Variants in SLC25A40 observed in about 807,000 individuals in gnomAD.
SLC25A40 encodes mitochondrial glutathione transporter SLC25A40.
Under a neutral mutation model 46.5 loss-of-function variants are expected in SLC25A40, and 41 were observed. The observed-to-expected ratio is 0.88, with a 90% CI of 0.69 to 1.14. The LOEUF is 1.14. SLC25A40 is among the 50% of genes most tolerant of loss of function. SLC25A40 has a pLI of 0.00. For synonymous variants in SLC25A40, 126 were observed against 127.5 expected, an observed-to-expected ratio of 0.99 and a Z score of 0.08; for missense variants, 386 against 393.6, an observed-to-expected ratio of 0.98 and a Z score of 0.16.
In SLC25A40 at chr7:87,865,591, C is replaced by T. The variant is rs377721056; in HGVS notation, c.-93-4951G>A. 2.6e-4 allele frequency among the ~76,000 whole-genome samples: 39 copies of T among 152,074 alleles called. No individual in the cohort carries two copies. In the East Asian group the frequency reaches 2.9e-3, roughly 11 times the overall value. ...TTTGAGACCTGCCTGGCCAAGAGGG[C>T]GAAACCCCAACTCCGTTAATAAAAA... is the stretch of plus-strand genomic sequence containing the variant. On this transcript the variant is annotated intron_variant, in intron 1 of 11. Transcript: ENST00000341119.
chr7:87,855,758 C>A (rs1838603955), intron 4 of SLC25A40, among the ~76,000 whole-genome samples: 1 of 152,092 alleles, frequency 6.6e-6, no homozygotes, highest in Non-Finnish European at 1.5e-5. Context: ...GTGTTTTCTG[C>A]CACTTAAAAT....
chr7:87,855,638 A>G (rs1418724633), intron 4 of SLC25A40, among the ~76,000 whole-genome samples: 1 of 152,116 alleles, frequency 6.6e-6, no homozygotes, highest in Non-Finnish European at 1.5e-5. Context: ...TCCTACAATC[A>G]ATCTATCCTT....
intron 1 of SLC25A40, among the ~76,000 whole-genome samples, chr7:87,863,830 T>A (rs915931735): frequency 1.3e-5 from 2 of 152,180 alleles, no homozygotes; most frequent in Non-Finnish European, 2.9e-5. Context: ...GTTGTACTCA[T>A]TCATCAACCT....
rs988862431 is a variant in SLC25A40 at position 87,874,540 on chromosome 7, G to A, written c.-94+1556C>T. Among the ~76,000 whole-genome samples, 3 of 152,138 alleles carry A rather than the reference G, an allele frequency of 2.0e-5. No individual in the cohort carries two copies. The South Asian group carries it at 6.2e-4, about 32-fold the overall frequency. ...TCAAATTACCCTTAAGGAAACCAAGGATACCTGAAACGCCAAAATCAAATA... is the reference window on the plus strand; with the variant it reads ...TCAAATTACCCTTAAGGAAACCAAGAATACCTGAAACGCCAAAATCAAATA... On this transcript the variant is annotated intron_variant, in intron 1 of 11. Transcript: ENST00000341119.
At chr7:87,844,025 G>T in intron 8 of SLC25A40, 162 bp from the exon 9 acceptor site, 1 of 979,250 alleles carries the variant, frequency 1.0e-6, no homozygotes, top group Non-Finnish European at 1.2e-6. Flanking sequence ...TTTTTTTAAT[G>T]CAAAATTCTC....
chr7:87,870,230 T>C (rs890611849), intron 1 of SLC25A40, among the ~76,000 whole-genome samples: 1 of 151,720 alleles, frequency 6.6e-6, no homozygotes, highest in Non-Finnish European at 1.5e-5. Flanking sequence ...ATAGCTTATT[T>C]TGTGGGCTGT....
rs1454702366 is a variant in SLC25A40 at position 87,833,988 on chromosome 7, T to C, written c.*2261A>G. 6.6e-6 allele frequency: 1 copy of C among 151,938 alleles called. No individual in the cohort carries two copies. The highest frequency in any genetic ancestry group is 1.5e-5 in the Non-Finnish European group (1 of 67,900). 9.4% of individuals were successfully genotyped at this position (151,938 alleles called of 1,614,324 possible). A position where few individuals can be genotyped will look rare whatever the true frequency, so the allele number is the denominator to read the frequency against. ...TACTTTAAAGGTTGCAACCATCTCA[T>C]ATTGAAAATTAAAGATGTTCCTTCC... On this transcript the variant is annotated 3_prime_UTR_variant, in exon 12 of 12. Transcript: ENST00000341119.
intron 4 of SLC25A40, among the ~76,000 whole-genome samples, chr7:87,854,626 C>T (rs1234363196): frequency 6.7e-6 from 1 of 150,214 alleles, no homozygotes; most frequent in African/African-American, 2.5e-5. Flanking sequence ...TCCTGGCTAA[C>T]ACAGTGAAAC....
intron 1 of SLC25A40, among the ~76,000 whole-genome samples, chr7:87,873,297 T>A (rs543625007): frequency 5.3e-5 from 8 of 152,172 alleles, no homozygotes; most frequent in African/African-American, 1.7e-4. Flanking sequence ...GAACAAAAAA[T>A]TTATATTTGG....
intron 6 of SLC25A40, among the ~76,000 whole-genome samples, chr7:87,849,290 G>A (rs1041428172): frequency 1.3e-5 from 2 of 152,046 alleles, no homozygotes; most frequent in Admixed American, 6.5e-5. Context: ...TGGACAACTC[G>A]TGAGAATATA....
chr7:87,836,849 A>T (rs749770158), intron 10 of SLC25A40, 39 bp from the exon 11 acceptor site: 1 of 1,216,690 alleles, frequency 8.2e-7, no homozygotes, highest in South Asian at 1.6e-5. Context: ...ATTATAAATA[A>T]CAATTTAATA....
intron 8 of SLC25A40, among the ~76,000 whole-genome samples, chr7:87,845,260 A>G (rs1358920444): frequency 6.6e-6 from 1 of 152,134 alleles, no homozygotes; most frequent in Non-Finnish European, 1.5e-5. Context: ...TGAAGCAATT[A>G]TGGTTATTCA....
intron 1 of SLC25A40, among the ~76,000 whole-genome samples, chr7:87,867,486 A>T (rs1331816092): frequency 2.0e-5 from 3 of 151,690 alleles, no homozygotes; most frequent in Non-Finnish European, 4.4e-5. Flanking sequence ...AATTTCTGGA[A>T]TTTTTTTTTG....
chr7:87,859,531 A>G (rs1377632743), intron 2 of SLC25A40, among the ~76,000 whole-genome samples: 3 of 152,174 alleles, frequency 2.0e-5, no homozygotes, highest in Non-Finnish European at 4.4e-5. Flanking sequence ...GTATATGTCT[A>G]TACACACACA....
At chr7:87,847,732 A>C in intron 7 of SLC25A40, 121 bp downstream of exon 7, 1 of 966,784 alleles carries the variant, frequency 1.0e-6, no homozygotes, top group Non-Finnish European at 1.4e-6. Flanking sequence ...ATTAATATAA[A>C]CTATAATGCA....
At chr7:87,846,896 G>T (rs1838430006) in intron 8 of SLC25A40, 53 bp downstream of exon 8, 4 of 1,426,850 alleles carry the variant, frequency 2.8e-6, no homozygotes, top group South Asian at 1.5e-5. Flanking sequence ...AGTAATATTT[G>T]AATGAGACAA....
rs1232596905 is a variant in SLC25A40 at position 87,858,747 on chromosome 7, A to C, written c.-20T>G. 6.6e-7 allele frequency: 1 copy of C among 1,513,052 alleles called. No individual in the cohort carries two copies. The highest frequency in any genetic ancestry group is 9.2e-7 in the Non-Finnish European group (1 of 1,090,056). 93.7% of individuals were successfully genotyped at this position (1,513,052 alleles called of 1,614,324 possible). ...ATCCATATTTTTAACTAATTAAATA[A>C]AAACCTGTTAAAAAGAAAACATAAA... On this transcript the variant is annotated 5_prime_UTR_variant, in exon 3 of 12. Coordinates refer to ENST00000341119, the MANE Select transcript of SLC25A40 (RefSeq NM_018843.4).
Position 87,833,629 on chromosome 7 carries a change from A to G in SLC25A40, c.*2620T>C, listed in dbSNP as rs931549741. ...TTAGAAGAAAATTCAAAAGGGATAC[A>G]ATAAACTTTTCCATATCCCAAAAAC... is the stretch of plus-strand genomic sequence containing the variant. On this transcript the variant is annotated 3_prime_UTR_variant, in exon 12 of 12. Transcript: ENST00000341119. The G allele has an allele frequency of 6.6e-6, 1 of 152,008 alleles. No homozygotes were observed. The highest frequency in any genetic ancestry group is 1.5e-5 in the Non-Finnish European group (1 of 67,946). The allele number at this position is 152,008 out of a possible 1,614,324, so 9.4% of individuals were successfully genotyped here.
intron 5 of SLC25A40, among the ~76,000 whole-genome samples, chr7:87,850,230 A>G (rs1341171946): frequency 6.6e-6 from 1 of 152,198 alleles, no homozygotes; most frequent in Non-Finnish European, 1.5e-5. Context: ...AAAGATTATT[A>G]TAAGAAAGGA....
Sources: gnomAD v4.1 joint callset for allele counts (sites outside exome capture counted in the v4.1 genomes callset) on GRCh38, gnomAD v4.1.1 for gene constraint, MANE v1.5 for transcripts, NCBI Gene and HGNC (gene_info 2026-07-23, HGNC 2026-07-21) for gene names.